Variants in SPDYE3 observed in about 807,000 individuals in gnomAD.
SPDYE3 encodes the protein speedy/RINGO cell cycle regulator family member E3.
SPDYE3 carries 15 observed loss-of-function variants against 55.0 expected under a neutral mutation model. That is an observed-to-expected ratio of 0.27 (90% CI 0.18 to 0.42). The LOEUF (loss-of-function observed/expected upper bound fraction) is 0.42. Ranked by LOEUF, SPDYE3 falls within the 10% of genes least tolerant of loss-of-function variation. The pLI, the probability that SPDYE3 is intolerant of heterozygous loss-of-function variation, is 1.00. For synonymous variants in SPDYE3, 89 were observed against 229.9 expected, an observed-to-expected ratio of 0.39 and a Z score of 5.55; for missense variants, 236 against 576.7, an observed-to-expected ratio of 0.41 and a Z score of 6.05.
intron 4 of SPDYE3, among the ~76,000 whole-genome samples, chr7:100,312,465 C>G (rs1173753297): frequency 2.3e-5 from 3 of 129,056 alleles, no homozygotes; most frequent in Non-Finnish European, 4.9e-5. Flanking sequence ...CTACTGCACT[C>G]CAGTCTGGGT....
At chr7:100,320,869 A>C in intron 10 of SPDYE3, 22 bp from the exon 11 acceptor site, 2 of 1,210,094 alleles carry the variant, frequency 1.7e-6, no homozygotes, top group Non-Finnish European at 2.2e-6. Context: ...TTGAGGTGTG[A>C]CATTGTCTCT....
chr7:100,315,879 T>C lies in SPDYE3; in HGVS notation c.1260+36T>C, dbSNP rs768136869. ...TCTCTATGTAACTGTGTTCCTGTTC[T>C]AACGCACGGCCAGGGGGAGGGCGCA... On this transcript the variant is annotated intron_variant, in intron 7 of 10. Coordinates refer to ENST00000332397, the MANE Select transcript of SPDYE3 (RefSeq NM_001004351.5). The C allele has an allele frequency of 1.1e-5, 18 of 1,598,706 alleles. No individual in the cohort carries two copies. The Admixed American group carries it at 1.2e-4, about 10-fold the overall frequency.
At chr7:100,309,941 C>G (rs1805920583) in intron 2 of SPDYE3, among the ~76,000 whole-genome samples, 1 of 142,522 alleles carries the variant, frequency 7.0e-6, no homozygotes, top group African/African-American at 2.6e-5. Context: ...ACTAAAAGTA[C>G]AAAATTGAGC....
At position 100,308,707 on chromosome 7, in the gene SPDYE3, T is replaced by C. The variant is rs377730330; in HGVS notation, c.107-267T>C. On this transcript the variant is annotated intron_variant, in intron 1 of 10. Coordinates refer to ENST00000332397, the MANE Select transcript of SPDYE3 (RefSeq NM_001004351.5). ...CTGGGTGACAAAGCAAGATTCTGTC[T>C]CGAAACAAAAAAAAAAAAAGAGGGC... 5.4e-4 allele frequency among the ~76,000 whole-genome samples: 79 copies of C among 146,572 alleles called. 1 individual carries two copies. Among genetic ancestry groups the C allele is most frequent in the East Asian group, 4.6e-3 (23 of 5,026 alleles).
rs1805854026 is a variant in SPDYE3, at chr7:100,307,704, C to CTT, written c.-181_-180insTT. Reference sequence around the variant, plus strand: ...CCTTCCTGATTGGAAGGACCGGACTCTGTCGGCGCCTGGCAGTTCAGGTGA... The same window carrying CTT: ...CCTTCCTGATTGGAAGGACCGGACTCTTTGTCGGCGCCTGGCAGTTCAGGTGA... On this transcript the variant is annotated 5_prime_UTR_variant, in exon 1 of 11. Coordinates refer to ENST00000332397, the MANE Select transcript of SPDYE3 (RefSeq NM_001004351.5). The CTT allele has an allele frequency of 1.4e-6, 2 of 1,386,214 alleles. No individual in the cohort carries two copies. Among genetic ancestry groups the CTT allele is most frequent in the Non-Finnish European group, 1.9e-6 (2 of 1,056,360 alleles). 85.9% of individuals were successfully genotyped at this position (1,386,214 alleles called of 1,614,324 possible).
intron 4 of SPDYE3, among the ~76,000 whole-genome samples, chr7:100,312,890 A>G (rs1467156387): frequency 6.7e-6 from 1 of 149,918 alleles, no homozygotes; most frequent in Non-Finnish European, 1.5e-5. Context: ...CAAAAAAAAA[A>G]AAGAGGGCCT....
In SPDYE3 at chr7:100,319,929, A is replaced by G. The variant is rs945125599; in HGVS notation, c.1591-2A>G. 3 of 1,612,372 alleles carry G rather than the reference A, an allele frequency of 1.9e-6. No homozygotes were observed. Among genetic ancestry groups the G allele is most frequent in the Admixed American group, 3.3e-5 (2 of 59,980 alleles). ...CTTCTCAAAGCGCATTTGTTTTTCCAGATCCAGGCTTATGACCCAGAGCAC... is the reference window on the plus strand; with the variant it reads ...CTTCTCAAAGCGCATTTGTTTTTCCGGATCCAGGCTTATGACCCAGAGCAC... On this transcript the variant is annotated splice_acceptor_variant, in intron 9 of 10. Transcript: ENST00000332397. LOFTEE classifies it high-confidence loss of function.
rs768063243 is a variant in SPDYE3 at position 100,307,945 on chromosome 7, G to C, written c.60G>C (p.Gly20=). 1 of 1,577,364 alleles carries C rather than the reference G, an allele frequency of 6.3e-7. No homozygotes were observed. The highest frequency in any genetic ancestry group is 1.8e-5 in the Admixed American group (1 of 56,024). Residue 20 remains glycine (G), a synonymous_variant, in exon 1 of 11, where the codon GGG becomes GGC. Transcript: ENST00000332397. ...EEQSPQRSTS[G]YPLQEVVDDE... is the part of the protein sequence containing the mutation. The stretch of plus-strand genomic sequence containing the variant: ...AGAGCCCCCAGCGGAGCACCTCAGG[G>C]TACCCCCTCCAGGAGGTGGTGGATG...
chr7:100,320,591 C>A, intron 10 of SPDYE3: 1 of 1,000,502 alleles, frequency 1.0e-6, no homozygotes, highest in Non-Finnish European at 1.3e-6. Flanking sequence ...TGATGAAGTC[C>A]AAAGCCACAT....
chr7:100,307,761 T>G lies in SPDYE3; in HGVS notation c.-125T>G. On this transcript the variant is annotated 5_prime_UTR_variant, in exon 1 of 11. Coordinates refer to ENST00000332397, the MANE Select transcript of SPDYE3 (RefSeq NM_001004351.5). ...GTAACTTCTCAGAGCTGTTCTCCAC[T>G]CCTGACTTCTCCCAGCCTCGAGAAT... is the stretch of plus-strand genomic sequence containing the variant. 7.0e-7 allele frequency: 1 copy of G among 1,419,008 alleles called. No homozygotes were observed. 87.9% of individuals were successfully genotyped at this position (1,419,008 alleles called of 1,614,324 possible).
chr7:100,310,199 T>G (rs1584996246), intron 2 of SPDYE3, among the ~76,000 whole-genome samples, 161 bp from the exon 3 acceptor site: 7 of 118,358 alleles, frequency 5.9e-5, no homozygotes, highest in South Asian at 2.8e-4. Context: ...GGGGAAGGAG[T>G]GGCACATGGG....
At chr7:100,317,421 C>T (rs570357974) in intron 8 of SPDYE3, among the ~76,000 whole-genome samples, 1 of 152,070 alleles carries the variant, frequency 6.6e-6, no homozygotes, top group Non-Finnish European at 1.5e-5. Flanking sequence ...GCCTGGCCAA[C>T]ATGGCAAACC....
In SPDYE3 at chr7:100,307,715, T is replaced by A. The variant is rs1373699718; in HGVS notation, c.-171T>A. 7.2e-7 allele frequency: 1 copy of A among 1,382,042 alleles called. No individual in the cohort carries two copies. The highest frequency in any genetic ancestry group is 1.5e-5 in the African/African-American group (1 of 68,242). 85.6% of individuals were successfully genotyped at this position (1,382,042 alleles called of 1,614,324 possible). Reference sequence around the variant, plus strand: ...GGAAGGACCGGACTCTGTCGGCGCCTGGCAGTTCAGGTGAACAACAGTAAC... The same window carrying A: ...GGAAGGACCGGACTCTGTCGGCGCCAGGCAGTTCAGGTGAACAACAGTAAC... On this transcript the variant is annotated 5_prime_UTR_variant, in exon 1 of 11. Transcript: ENST00000332397.
chr7:100,308,714 A>G (rs1308021766), intron 1 of SPDYE3, among the ~76,000 whole-genome samples: 4 of 144,578 alleles, frequency 2.8e-5, no homozygotes, highest in Non-Finnish European at 4.6e-5. Flanking sequence ...GTCTCGAAAC[A>G]AAAAAAAAAA....
chr7:100,308,770 T>G (rs1291182486), intron 1 of SPDYE3, among the ~76,000 whole-genome samples: 14 of 146,016 alleles, frequency 9.6e-5, no homozygotes, highest in African/African-American at 3.5e-4. Flanking sequence ...TATGACGCAG[T>G]GTTCTGAGGA....
chr7:100,319,678 A>G lies in SPDYE3; in HGVS notation c.1460A>G (p.Gln487Arg), dbSNP rs1272765817. 6.2e-7 allele frequency: 1 copy of G among 1,614,224 alleles called. No individual in the cohort carries two copies. The highest frequency in any genetic ancestry group is 2.2e-5 in the East Asian group (1 of 44,886). ...HIPLRPKHWF[Q>R]LCRPMNPRAR... Reference sequence around the variant, plus strand: ...CCCTTGCGCCCTAAGCATTGGTTCCAGTTATGCCGTCCCATGAACCCGAGG... The same window carrying G: ...CCCTTGCGCCCTAAGCATTGGTTCCGGTTATGCCGTCCCATGAACCCGAGG... Residue 487 changes from glutamine (Q) to arginine (R), a missense_variant, in exon 9 of 11, where the codon CAG (glutamine) becomes CGG (arginine). Transcript: ENST00000332397.
At chr7:100,319,490 T>A in intron 8 of SPDYE3, 75 bp from the exon 9 acceptor site, 1 of 1,608,756 alleles carries the variant, frequency 6.2e-7, no homozygotes, top group South Asian at 1.1e-5. Flanking sequence ...CTTACCTTCC[T>A]CTCTGGGAAG....
At chr7:100,317,334 G>A (rs527270977) in intron 8 of SPDYE3, among the ~76,000 whole-genome samples, 179 bp downstream of exon 8, 141 of 152,342 alleles carry the variant, frequency 9.3e-4, no homozygotes, top group African/African-American at 3.3e-3. Flanking sequence ...GGCTGGGCAT[G>A]GTGGCTCAGG....
At chr7:100,316,115 C>T (rs1010388487) in intron 7 of SPDYE3, among the ~76,000 whole-genome samples, 11 of 152,126 alleles carry the variant, frequency 7.2e-5, no homozygotes, top group East Asian at 5.8e-4. Context: ...GGATTACAAA[C>T]GTGAACCACC....
Sources: allele counts gnomAD v4.1 joint callset (sites outside exome capture counted in the v4.1 genomes callset), GRCh38; gene constraint gnomAD v4.1.1; transcripts MANE v1.5; gene names NCBI Gene and HGNC (gene_info 2026-07-23, HGNC 2026-07-21).